The following IGF1R variants were observed in gnomAD, a reference collection of about 807,000 sequenced individuals.
The protein encoded by IGF1R is insulin-like growth factor 1 receptor.
A neutral mutation model predicts 144.6 loss-of-function variants in IGF1R; 44 were observed. That is an observed-to-expected ratio of 0.30 (90% CI 0.24 to 0.39). The LOEUF (loss-of-function observed/expected upper bound fraction) is 0.39, where lower values mean the gene tolerates loss of function less well. Among genes scored for constraint, IGF1R ranks in the 10% least tolerant of loss-of-function variants. The pLI is 1.00. For synonymous variants in IGF1R, 795 were observed against 722.8 expected, an observed-to-expected ratio of 1.10 and a Z score of -1.60; for missense variants, 1,355 against 1,833.7, an observed-to-expected ratio of 0.74 and a Z score of 4.77.
At chr15:98,710,855 C>T (rs542185926) in intron 2 of IGF1R, among the ~76,000 whole-genome samples, 36 of 151,642 alleles carry the variant, frequency 2.4e-4, no homozygotes, top group Middle Eastern at 3.2e-3. Flanking sequence ...TAACTGGAGA[C>T]GGGGTTTCAC....
At chr15:98,842,893 G>C (rs901542167) in intron 2 of IGF1R, among the ~76,000 whole-genome samples, 5 of 152,174 alleles carry the variant, frequency 3.3e-5, no homozygotes, top group African/African-American at 1.2e-4. Context: ...CTTAGTCTGG[G>C]GGTGAGCGTT....
chr15:98,673,408 A>G (rs1372546013), intron 1 of IGF1R, among the ~76,000 whole-genome samples: 4 of 152,154 alleles, frequency 2.6e-5, no homozygotes, highest in Admixed American at 1.3e-4. Flanking sequence ...CTGCTCTTCT[A>G]GTAGGAAAAT....
intron 2 of IGF1R, among the ~76,000 whole-genome samples, chr15:98,822,360 G>T (rs1336385420): frequency 1.3e-5 from 2 of 152,168 alleles, no homozygotes; most frequent in Non-Finnish European, 2.9e-5. Flanking sequence ...GGAGTAATAG[G>T]CATTTTTAGG....
At chr15:98,661,081 G>T (rs542374323) in intron 1 of IGF1R, among the ~76,000 whole-genome samples, 1 of 69,508 alleles carries the variant, frequency 1.4e-5, no homozygotes, top group South Asian at 4.8e-4. Context: ...ACTAGGCAGA[G>T]AGAGAGATGG....
chr15:98,913,973 G>C (rs1013062620), intron 8 of IGF1R, among the ~76,000 whole-genome samples: 1 of 152,140 alleles, frequency 6.6e-6, no homozygotes, highest in Non-Finnish European at 1.5e-5. Context: ...GTGTAGCCTG[G>C]GTGGCTTATA....
chr15:98,904,600 C>T (rs925173301), intron 5 of IGF1R, among the ~76,000 whole-genome samples: 5 of 152,018 alleles, frequency 3.3e-5, no homozygotes, highest in African/African-American at 1.2e-4. Context: ...CAAAAAAGGC[C>T]AAATACTCTT....
intron 10 of IGF1R, among the ~76,000 whole-genome samples, chr15:98,918,085 C>T (rs965842538): frequency 1.3e-5 from 2 of 152,002 alleles, no homozygotes; most frequent in African/African-American, 2.4e-5. Context: ...AAAGGATTAG[C>T]CCAGTAGTGT....
At chr15:98,893,152 A>AAAAG in intron 3 of IGF1R, among the ~76,000 whole-genome samples, 1 of 152,356 alleles carries the variant, frequency 6.6e-6, no homozygotes, top group Non-Finnish European at 1.5e-5. Flanking sequence ...GTAGGTGTTA[A>AAAAG]TTTTAAATAT....
chr15:98,889,451 A>G (rs1037069772), intron 2 of IGF1R, among the ~76,000 whole-genome samples: 14 of 152,236 alleles, frequency 9.2e-5, no homozygotes, highest in African/African-American at 3.1e-4. Flanking sequence ...ATGAAATGTT[A>G]AGGGTGCTCA....
Position 98,944,990 on chromosome 15 carries a change from A to G in IGF1R, c.3587+1938A>G, listed in dbSNP as rs563945001. On this transcript the variant is annotated intron_variant, in intron 19 of 20. Coordinates refer to ENST00000650285, the MANE Select transcript of IGF1R (RefSeq NM_000875.5). ...TCGAAGAGGTGTGTCTGTTCTAGCC[A>G]GAACACCTCCAAGTTTCCTGCTGTC... Among the ~76,000 whole-genome samples, 4 of 152,378 alleles carry G rather than the reference A, an allele frequency of 2.6e-5. No homozygotes were observed. The East Asian group carries it at 7.7e-4, about 29-fold the overall frequency.
At chr15:98,944,976 T>A (rs934528214) in intron 19 of IGF1R, among the ~76,000 whole-genome samples, 3 of 152,262 alleles carry the variant, frequency 2.0e-5, no homozygotes, top group African/African-American at 7.2e-5. Context: ...CGAAGAGGTG[T>A]GTCTGTTCTA....
chr15:98,896,973 C>G (rs2151653023), intron 4 of IGF1R, 68 bp downstream of exon 4: 1 of 1,493,780 alleles, frequency 6.7e-7, no homozygotes, highest in East Asian at 2.3e-5. Context: ...GCTTTTCATG[C>G]TCCCGTCCCT....
chr15:98,650,518 G>A (rs1410192619), intron 1 of IGF1R, among the ~76,000 whole-genome samples: 1 of 152,250 alleles, frequency 6.6e-6, no homozygotes, highest in African/African-American at 2.4e-5. Flanking sequence ...CCCGGGCCGG[G>A]GGATGGAGGG....
intron 2 of IGF1R, among the ~76,000 whole-genome samples, chr15:98,810,472 A>G (rs533062851): frequency 1.3e-5 from 2 of 152,100 alleles, no homozygotes; most frequent in Admixed American, 6.5e-5. Flanking sequence ...TGATGTGTGT[A>G]TATGTCTTTC....
chr15:98,848,375 C>T (rs1049202366), intron 2 of IGF1R, among the ~76,000 whole-genome samples: 1 of 152,180 alleles, frequency 6.6e-6, no homozygotes, highest in South Asian at 2.1e-4. Flanking sequence ...GCCAGTCTCT[C>T]TATGGGTTTT....
intron 2 of IGF1R, among the ~76,000 whole-genome samples, chr15:98,799,987 TG>T (rs1175383134): frequency 6.6e-6 from 1 of 152,238 alleles, no homozygotes; most frequent in African/African-American, 2.4e-5. Context: ...TCTGTTCTTA[TG>T]TAATTCTTGT....
At chr15:98,689,299 C>T (rs1175549730) in intron 1 of IGF1R, among the ~76,000 whole-genome samples, 1 of 137,666 alleles carries the variant, frequency 7.3e-6, no homozygotes, top group East Asian at 2.2e-4. Flanking sequence ...GGTGCAGTGG[C>T]GTGATCTCAG....
chr15:98,651,825 G>T (rs989839428), intron 1 of IGF1R, among the ~76,000 whole-genome samples: 2 of 152,184 alleles, frequency 1.3e-5, no homozygotes, highest in Non-Finnish European at 2.9e-5. Context: ...CCCAAATCTC[G>T]ATTATGGTTT....
chr15:98,680,759 A>T (rs1192631672), intron 1 of IGF1R, among the ~76,000 whole-genome samples: 1 of 151,988 alleles, frequency 6.6e-6, no homozygotes, highest in Non-Finnish European at 1.5e-5. Flanking sequence ...TTTTGTAGAA[A>T]TGGAATCTCA....
Sources: allele counts gnomAD v4.1 joint callset (sites outside exome capture counted in the v4.1 genomes callset), GRCh38; gene constraint gnomAD v4.1.1; transcripts MANE v1.5; gene names NCBI Gene and HGNC (gene_info 2026-07-23, HGNC 2026-07-21).